The following GLRA3 variants were observed in gnomAD, a reference collection of about 807,000 sequenced individuals.
The protein encoded by GLRA3 is glycine receptor subunit alpha-3.
A neutral mutation model predicts 60.4 loss-of-function variants in GLRA3; 44 were observed. The observed-to-expected ratio is 0.73, with a 90% confidence interval of 0.57 to 0.94. The LOEUF (loss-of-function observed/expected upper bound fraction) is 0.94. Among genes scored for constraint, GLRA3 ranks in the 40% least tolerant of loss-of-function variants. GLRA3 has a pLI of 0.00. For synonymous variants in GLRA3, 223 were observed against 192.9 expected (o/e 1.16, Z -1.29); for missense variants, 508 against 564.6 (o/e 0.90, Z 1.02).
chr4:174,738,802 GAAC>G (rs1443084241), intron 3 of GLRA3, among the ~76,000 whole-genome samples: 1 of 152,196 alleles, frequency 6.6e-6, no homozygotes, highest in Non-Finnish European at 1.5e-5. Flanking sequence ...TGTAGGACAA[GAAC>G]AACAACTGAG....
intron 3 of GLRA3, among the ~76,000 whole-genome samples, chr4:174,756,204 A>G (rs1385650710): frequency 1.3e-5 from 2 of 152,194 alleles, no homozygotes; most frequent in Non-Finnish European, 2.9e-5. Context: ...TCAATTTTAC[A>G]TGAACCATTT....
At chr4:174,758,797 T>C (rs1385721505) in intron 3 of GLRA3, among the ~76,000 whole-genome samples, 12 of 152,112 alleles carry the variant, frequency 7.9e-5, no homozygotes. Flanking sequence ...AATAAAAAGG[T>C]TATTTTTAAA....
chr4:174,643,542 GA>G lies in GLRA3; in HGVS notation c.*243del, dbSNP rs1196393745. The G allele has an allele frequency of 2.6e-6, 3 of 1,164,626 alleles. No individual in the cohort carries two copies. Among genetic ancestry groups the G allele is most frequent in the South Asian group, 3.2e-5 (1 of 31,570 alleles). The allele number at this position is 1,164,626 out of a possible 1,614,324, so 72.1% of individuals were successfully genotyped here. On this transcript the variant is annotated 3_prime_UTR_variant, in exon 10 of 10. Transcript: ENST00000274093. ...AGCTTCCACTTACATGGTTTACTGT[GA>G]AAAAACAAATCACCTGGAATTAATA...
chr4:174,788,517 A>G (rs563588392), intron 2 of GLRA3, among the ~76,000 whole-genome samples: 2 of 151,766 alleles, frequency 1.3e-5, no homozygotes, highest in South Asian at 4.2e-4. Flanking sequence ...ATAATTAAAT[A>G]AAGGATACGT....
intron 8 of GLRA3, among the ~76,000 whole-genome samples, chr4:174,658,659 A>G (rs1733305699): frequency 6.6e-6 from 1 of 152,230 alleles, no homozygotes; most frequent in Non-Finnish European, 1.5e-5. Flanking sequence ...GATGGAAATA[A>G]TGAAATGAAT....
At chr4:174,717,556 T>C (rs1438295121) in intron 4 of GLRA3, among the ~76,000 whole-genome samples, 1 of 152,160 alleles carries the variant, frequency 6.6e-6, no homozygotes, top group Non-Finnish European at 1.5e-5. Flanking sequence ...CCAATTAACA[T>C]AATTTGGGAC....
In GLRA3 at chr4:174,828,641, T is replaced by A; in HGVS notation, c.71+100A>T. The stretch of plus-strand genomic sequence containing the variant: ...TAAATTGATTGTTTCAACAAGTCAA[T>A]ATAGAATTGCAAATTTCCCGGTCTC... On this transcript the variant is annotated intron_variant, in intron 1 of 9. Coordinates refer to ENST00000274093, the MANE Select transcript of GLRA3 (RefSeq NM_006529.4). 3 of 747,004 alleles carry A rather than the reference T, an allele frequency of 4.0e-6. No individual in the cohort carries two copies. In the South Asian group the frequency reaches 4.5e-5, roughly 11 times the overall value. The allele number at this position is 747,004 out of a possible 1,614,324, so 46.3% of individuals were successfully genotyped here. A position where few individuals can be genotyped will look rare whatever the true frequency, so the allele number is the denominator to read the frequency against.
At chr4:174,663,402 T>C (rs762422565) in intron 7 of GLRA3, among the ~76,000 whole-genome samples, 45 of 152,286 alleles carry the variant, frequency 3.0e-4, no homozygotes, top group Non-Finnish European at 5.4e-4. Flanking sequence ...TGAACGAATA[T>C]GACTCATAAA....
chr4:174,764,186 A>G (rs1156466180), intron 3 of GLRA3, among the ~76,000 whole-genome samples: 3 of 151,704 alleles, frequency 2.0e-5, no homozygotes, highest in Non-Finnish European at 2.9e-5. Flanking sequence ...GAATTAACTT[A>G]ATTAACAAAA....
At position 174,828,732 on chromosome 4, in the gene GLRA3, C is replaced by G. The variant is rs751697033; in HGVS notation, c.71+9G>C. 2 of 1,578,604 alleles carry G rather than the reference C, an allele frequency of 1.3e-6. No homozygotes were observed. The highest frequency in any genetic ancestry group is 1.1e-5 in the South Asian group (1 of 90,266). On this transcript the variant is annotated intron_variant, in intron 1 of 9. Transcript: ENST00000274093. Reference sequence around the variant, plus strand: ...GAGTTCTCCGACTGTTAAATCCAAGCGAACTCACCTGAGTAACAGTGCTGC... The same window carrying G: ...GAGTTCTCCGACTGTTAAATCCAAGGGAACTCACCTGAGTAACAGTGCTGC...
chr4:174,659,237 T>C lies in GLRA3; in HGVS notation c.928-40A>G, dbSNP rs761859085. On this transcript the variant is annotated intron_variant, in intron 7 of 9. Coordinates refer to ENST00000274093, the MANE Select transcript of GLRA3 (RefSeq NM_006529.4). Reference sequence around the variant, plus strand: ...AAGAGAAAGCAAGCAAATTCACTTATATTGTTACTTCCTTTGAGAACAAAA... The same window carrying C: ...AAGAGAAAGCAAGCAAATTCACTTACATTGTTACTTCCTTTGAGAACAAAA... 52 of 1,497,996 alleles carry C rather than the reference T, an allele frequency of 3.5e-5. No individual in the cohort carries two copies. In the Middle Eastern group the frequency reaches 8.6e-4, roughly 25 times the overall value. 92.8% of individuals were successfully genotyped at this position (1,497,996 alleles called of 1,614,324 possible).
intron 3 of GLRA3, among the ~76,000 whole-genome samples, chr4:174,734,107 A>T (rs1736675644): frequency 6.6e-6 from 1 of 152,190 alleles, no homozygotes; most frequent in African/African-American, 2.4e-5. Context: ...ATAATCCAGA[A>T]TTCTTTCTGT....
chr4:174,637,390 A>G lies in GLRA3; in HGVS notation c.*6396T>C, dbSNP rs942030307. The stretch of plus-strand genomic sequence containing the variant: ...GGTACTTCACTCTATTTCCCCCCCC[A>G]TATTATCATTTATCATACATTAAAA... On this transcript the variant is annotated 3_prime_UTR_variant, in exon 10 of 10. Coordinates refer to ENST00000274093, the MANE Select transcript of GLRA3 (RefSeq NM_006529.4). The G allele has an allele frequency of 6.9e-6, 1 of 145,768 alleles. No individual in the cohort carries two copies. The highest frequency in any genetic ancestry group is 1.5e-5 in the Non-Finnish European group (1 of 65,942). 9.0% of individuals were successfully genotyped at this position (145,768 alleles called of 1,614,324 possible).
At chr4:174,818,981 A>G (rs1018821181) in intron 1 of GLRA3, among the ~76,000 whole-genome samples, 3 of 152,202 alleles carry the variant, frequency 2.0e-5, no homozygotes, top group African/African-American at 7.2e-5. Flanking sequence ...ATTTCATTAC[A>G]CACTTCCATC....
At chr4:174,778,970 C>T (rs1738743943) in intron 2 of GLRA3, among the ~76,000 whole-genome samples, 1 of 152,218 alleles carries the variant, frequency 6.6e-6, no homozygotes, top group Non-Finnish European at 1.5e-5. Flanking sequence ...GAGCCCACCA[C>T]AGCTCAAGGA....
At chr4:174,793,423 C>CATTTATTTATTTATTT (rs3059164) in intron 1 of GLRA3, among the ~76,000 whole-genome samples, 1 of 120,034 alleles carries the variant, frequency 8.3e-6, no homozygotes, top group East Asian at 2.1e-4. Flanking sequence ...AATTTACATT[C>CATTTATTTATTTATTT]ATTTATTTAT....
At chr4:174,793,741 CTATAA>C (rs967434118) in intron 1 of GLRA3, among the ~76,000 whole-genome samples, 4 of 152,026 alleles carry the variant, frequency 2.6e-5, no homozygotes, top group Non-Finnish European at 5.9e-5. Flanking sequence ...TAGGATTTTC[CTATAA>C]TATATGTCCA....
intron 5 of GLRA3, among the ~76,000 whole-genome samples, chr4:174,714,387 A>C (rs1427864826): frequency 6.8e-6 from 1 of 147,152 alleles, no homozygotes; most frequent in African/African-American, 2.4e-5. Context: ...GTAGCCCCCC[A>C]AATTTTAATT....
rs770045703 is a variant in GLRA3 at position 174,682,923 on chromosome 4, A to T, written c.591T>A (p.Asn197Lys). The T allele has an allele frequency of 1.7e-5, 27 of 1,612,918 alleles. No homozygotes were observed. Among genetic ancestry groups the T allele is most frequent in the Non-Finnish European group, 2.3e-5 (27 of 1,179,012 alleles). ...CATCTTGCCATTCAAAAATGAGATC[A>T]TTCATTGTGTACCCAACTAGGCAAA... ...MQLESFGYTMNDLIFEWQDEA... is the reference protein window; with the variant it reads ...MQLESFGYTMKDLIFEWQDEA... Residue 197 changes from asparagine (N) to lysine (K), a missense_variant, in exon 6 of 10, where the codon AAT (asparagine) becomes AAA (lysine). Around this residue, in one of 3 missense-constraint regions of GLRA3, gnomAD observed 329 missense variants for 349.3 expected, o/e 0.94. Coordinates refer to ENST00000274093, the MANE Select transcript of GLRA3 (RefSeq NM_006529.4).
Sources: allele counts gnomAD v4.1 joint callset (sites outside exome capture counted in the v4.1 genomes callset), GRCh38; gene constraint gnomAD v4.1.1; regional missense constraint gnomAD v4.1.1; transcripts MANE v1.5; gene names NCBI Gene and HGNC (gene_info 2026-07-23, HGNC 2026-07-21).